The following P2RY6 variants were observed in gnomAD, a reference collection of about 807,000 sequenced individuals.
The protein encoded by P2RY6 is P2Y purinoceptor 6.
Under a neutral mutation model 16.3 loss-of-function variants are expected in P2RY6, and 19 were observed. That is an observed-to-expected ratio of 1.16 (90% CI 0.81 to 1.71). The LOEUF is 1.71. Ranked by LOEUF, P2RY6 falls within the 40% of genes most tolerant of loss-of-function variation. The pLI is 0.00. For missense variants in P2RY6, 389 were observed against 455.5 expected (o/e 0.85, Z 1.33); for synonymous variants, 184 against 201.5 (o/e 0.91, Z 0.74).
At chr11:73,271,277 C>T (rs576323188), upstream of P2RY6, among the ~76,000 whole-genome samples, 17 of 152,296 alleles carry the variant, frequency 1.1e-4, no homozygotes, top group African/African-American at 3.8e-4. Context: ...CTTTCCCCCC[C>T]GGCATCACCC....
chr11:73,286,492 C>A (rs1461172839), intron 1 of P2RY6, among the ~76,000 whole-genome samples: 1 of 151,740 alleles, frequency 6.6e-6, no homozygotes, highest in East Asian at 1.9e-4. Flanking sequence ...GGGACCCAAG[C>A]AGTCTCAGAG....
At chr11:73,278,231 G>T (rs1234716698) in intron 1 of P2RY6, among the ~76,000 whole-genome samples, 1 of 152,018 alleles carries the variant, frequency 6.6e-6, no homozygotes, top group African/African-American at 2.4e-5. Flanking sequence ...GAGTGCAGTG[G>T]TGCGATCTCG....
chr11:73,283,151 C>A (rs954226269), intron 1 of P2RY6, among the ~76,000 whole-genome samples: 3 of 152,116 alleles, frequency 2.0e-5, no homozygotes, highest in Admixed American at 1.3e-4. Context: ...ATTTGAAGAA[C>A]TCTGGGTTTT....
At chr11:73,278,348 C>T (rs1046777663) in intron 1 of P2RY6, among the ~76,000 whole-genome samples, 14 of 151,986 alleles carry the variant, frequency 9.2e-5, no homozygotes, top group Non-Finnish European at 1.9e-4. Flanking sequence ...TTAGTAGAGA[C>T]GGAGTTTCAC....
intron 1 of P2RY6, among the ~76,000 whole-genome samples, chr11:73,277,044 A>G (rs1406414128): frequency 1.3e-5 from 2 of 152,188 alleles, no homozygotes; most frequent in Non-Finnish European, 2.9e-5. Flanking sequence ...TCAGGGGCTT[A>G]GGTCCAGGGC....
intron 1 of P2RY6, among the ~76,000 whole-genome samples, chr11:73,266,692 A>T (rs1012714960): frequency 2.0e-5 from 3 of 152,216 alleles, no homozygotes; most frequent in African/African-American, 7.2e-5. Context: ...AAGGGGACAT[A>T]AAAGGCAGTG....
intron 1 of P2RY6, among the ~76,000 whole-genome samples, chr11:73,286,915 C>T (rs572130446): frequency 6.6e-6 from 1 of 152,314 alleles, no homozygotes; most frequent in Admixed American, 6.5e-5. Flanking sequence ...CCTCTCTGGC[C>T]TCAGTTTTCT....
intron 1 of P2RY6, among the ~76,000 whole-genome samples, chr11:73,280,582 C>T (rs1196285261): frequency 2.0e-5 from 3 of 152,202 alleles, no homozygotes; most frequent in African/African-American, 4.8e-5. Flanking sequence ...GGGGCACTGA[C>T]TCTGGGGCTT....
At chr11:73,273,608 A>G (rs1361206215) in intron 1 of P2RY6, among the ~76,000 whole-genome samples, 2 of 152,142 alleles carry the variant, frequency 1.3e-5, no homozygotes, top group Admixed American at 6.5e-5. Context: ...GGAGGGGGCC[A>G]TGGTCCAGAA....
At chr11:73,289,144 A>T (rs1317242288) in intron 1 of P2RY6, among the ~76,000 whole-genome samples, 2 of 152,286 alleles carry the variant, frequency 1.3e-5, no homozygotes, top group Admixed American at 1.3e-4. Flanking sequence ...AGACCATAGG[A>T]TCTACGCAGC....
At chr11:73,274,552 AAAAG>A (rs1022411594) in intron 1 of P2RY6, among the ~76,000 whole-genome samples, 70 of 152,030 alleles carry the variant, frequency 4.6e-4, no homozygotes, top group African/African-American at 1.0e-3. Context: ...AAAAAAAAAA[AAAAG>A]AAAGAAAGAA....
intron 1 of P2RY6, among the ~76,000 whole-genome samples, chr11:73,282,791 G>A (rs1591676992): frequency 6.6e-6 from 1 of 152,186 alleles, no homozygotes; most frequent in East Asian, 1.9e-4. Context: ...GAGGAAGGGA[G>A]CAAAGGTTGC....
At chr11:73,272,183 G>A (rs1376636221), upstream of P2RY6, 1 of 182,162 alleles carries the variant, frequency 5.5e-6, no homozygotes, top group Non-Finnish European at 1.0e-5. Context: ...TGACTTGCGG[G>A]CAGCTGGGTA....
chr11:73,272,960 G>A (rs1863378294), intron 1 of P2RY6, among the ~76,000 whole-genome samples: 1 of 152,120 alleles, frequency 6.6e-6, no homozygotes, highest in Admixed American at 6.5e-5. Flanking sequence ...AGGAACTTTG[G>A]TTGAGGGAAT....
At chr11:73,269,079 C>A (rs556737379), upstream of P2RY6, among the ~76,000 whole-genome samples, 5 of 152,172 alleles carry the variant, frequency 3.3e-5, no homozygotes, top group African/African-American at 1.2e-4. Context: ...GGCTGCCTGG[C>A]GGCAGGGCCT....
chr11:73,293,543 C>T (rs967552472), intron 1 of P2RY6, among the ~76,000 whole-genome samples: 1 of 152,234 alleles, frequency 6.6e-6, no homozygotes, highest in African/African-American at 2.4e-5. Flanking sequence ...CCAAGGTCAG[C>T]TGCTGCCTGG....
At chr11:73,286,360 G>A (rs1321545483) in intron 1 of P2RY6, among the ~76,000 whole-genome samples, 6 of 152,152 alleles carry the variant, frequency 3.9e-5, no homozygotes, top group Non-Finnish European at 8.8e-5. Flanking sequence ...TTACCTGTAC[G>A]AGTTGTGGAC....
upstream of P2RY6, among the ~76,000 whole-genome samples, chr11:73,270,409 T>C (rs1287351600): frequency 2.6e-5 from 4 of 152,084 alleles, no homozygotes; most frequent in Admixed American, 2.0e-4. Flanking sequence ...CACACTCCTT[T>C]ACCAGGAGCT....
chr11:73,294,735 A>T (rs1864405147), intron 1 of P2RY6, among the ~76,000 whole-genome samples: 1 of 152,266 alleles, frequency 6.6e-6, no homozygotes, highest in Non-Finnish European at 1.5e-5. Context: ...TTTCTCTAAT[A>T]TAACTTTAAA....
Sources: gnomAD v4.1 joint callset for allele counts (sites outside exome capture counted in the v4.1 genomes callset) on GRCh38, gnomAD v4.1.1 for gene constraint, MANE v1.5 for transcripts, NCBI Gene and HGNC (gene_info 2026-07-23, HGNC 2026-07-21) for gene names.